Variants in OR2J2 observed in about 807,000 individuals in gnomAD.
The protein encoded by OR2J2 is olfactory receptor family 2 subfamily J member 2.
Under a neutral mutation model 16.9 loss-of-function variants are expected in OR2J2, and 13 were observed. The observed-to-expected ratio is 0.77, with a 90% confidence interval of 0.50 to 1.23. The LOEUF is 1.23. OR2J2 is among the 50% of genes most tolerant of loss of function. The pLI is 0.00. For synonymous variants in OR2J2, 125 were observed against 141.2 expected, an observed-to-expected ratio of 0.89 and a Z score of 0.81; for missense variants, 341 against 379.1, an observed-to-expected ratio of 0.90 and a Z score of 0.84.
At chr6:29,173,508 C>T in intron 1 of OR2J2, 111 bp from the exon 2 acceptor site, 3 of 667,962 alleles carry the variant, frequency 4.5e-6, no homozygotes, top group Non-Finnish European at 5.2e-6. Context: ...ATTCTACTAC[C>T]ATTATGGTGC....
chr6:29,173,548 T>C, intron 1 of OR2J2, 71 bp from the exon 2 acceptor site: 1 of 1,007,614 alleles, frequency 9.9e-7, no homozygotes, highest in East Asian at 2.4e-5. Flanking sequence ...TACTTTTGTC[T>C]TCAATCTGTT....
Position 29,174,188 on chromosome 6 carries a change from C to A in OR2J2, c.553C>A (p.Leu185Ile), listed in dbSNP as rs1193798832. The A allele has an allele frequency of 3.7e-6, 6 of 1,613,794 alleles. No homozygotes were observed. Among genetic ancestry groups the A allele is most frequent in the Non-Finnish European group, 5.1e-6 (6 of 1,179,968 alleles). Residue 185 changes from leucine to isoleucine, a missense_variant, in exon 2 of 2, where the codon CTT (leucine) becomes ATT (isoleucine). By Grantham distance (5) the Leu-to-Ile change is conservative. Transcript: ENST00000641417. ...TCACTTCTTCTGTGAAGTTCCAGCA[C>A]TTCTGCGTTTATCATGTGTTGACAC... The part of the protein sequence containing the change: ...VDHFFCEVPA[L>I]LRLSCVDTHA...
chr6:29,174,957 T>A lies in OR2J2; in HGVS notation c.*383T>A, dbSNP rs1765759245. The A allele has an allele frequency of 5.7e-6, 1 of 175,850 alleles. No individual in the cohort carries two copies. Among genetic ancestry groups the A allele is most frequent in the African/African-American group, 2.4e-5 (1 of 42,374 alleles). 10.9% of individuals were successfully genotyped at this position (175,850 alleles called of 1,614,324 possible). On this transcript the variant is annotated 3_prime_UTR_variant, in exon 2 of 2. Coordinates refer to ENST00000641417, the MANE Select transcript of OR2J2 (RefSeq NM_030905.3). Reference sequence around the variant, plus strand: ...AAGAGAAGGGCAATATTGCAAAGACTTAGGCTAAAAAGGTTTTTGGTTATT... The same window carrying A: ...AAGAGAAGGGCAATATTGCAAAGACATAGGCTAAAAAGGTTTTTGGTTATT...
At position 29,174,251 on chromosome 6, in the gene OR2J2, A is replaced by G. The variant is rs1214729062; in HGVS notation, c.616A>G (p.Ile206Val). The change falls in exon 2 of 2, where the codon ATT (isoleucine) becomes GTT (valine). Residue 206 changes from isoleucine to valine, a missense_variant. Coordinates refer to ENST00000641417, the MANE Select transcript of OR2J2 (RefSeq NM_030905.3). ...NELTLMVMSS[I>V]FVLIPLILIL... ...GCTGACCCTCATGGTCATGAGCTCC[A>G]TTTTTGTTCTCATACCTCTCATTCT... 1 of 1,613,726 alleles carries G rather than the reference A, an allele frequency of 6.2e-7. No homozygotes were observed. The highest frequency in any genetic ancestry group is 8.5e-7 in the Non-Finnish European group (1 of 1,179,936).
Position 29,174,309 on chromosome 6 carries a change from C to A in OR2J2, c.674C>A (p.Ala225Asp), listed in dbSNP as rs903008805. 1 of 1,613,808 alleles carries A rather than the reference C, an allele frequency of 6.2e-7. No individual in the cohort carries two copies. ...ACTACCTATGGTGCCATTGCCCGGGCTGTACTGAGCATGCAATCAACCACT... is the reference window on the plus strand; with the variant it reads ...ACTACCTATGGTGCCATTGCCCGGGATGTACTGAGCATGCAATCAACCACT... The part of the protein sequence containing the change: ...ILTTYGAIAR[A>D]VLSMQSTTGL... The change falls in exon 2 of 2, where the codon GCT (alanine) becomes GAT (aspartate). Residue 225 changes from alanine (A) to aspartate (D), a missense_variant. Ala to Asp is a moderately radical substitution (Grantham distance 126). Coordinates refer to ENST00000641417, the MANE Select transcript of OR2J2 (RefSeq NM_030905.3).
chr6:29,174,669 C>A lies in OR2J2; in HGVS notation c.*95C>A. 2 of 961,800 alleles carry A rather than the reference C, an allele frequency of 2.1e-6. No homozygotes were observed. Among genetic ancestry groups the A allele is most frequent in the Non-Finnish European group, 3.0e-6 (2 of 658,388 alleles). The allele number at this position is 961,800 out of a possible 1,614,324, so 59.6% of individuals were successfully genotyped here. On this transcript the variant is annotated 3_prime_UTR_variant, in exon 2 of 2. Transcript: ENST00000641417. ...TGCTTCTTTGTGATTTATTTTTGTTCTAACAGCTCACAAAACAGAATAGTT... is the reference window on the plus strand; with the variant it reads ...TGCTTCTTTGTGATTTATTTTTGTTATAACAGCTCACAAAACAGAATAGTT...
Position 29,174,486 on chromosome 6 carries a change from C to T in OR2J2, c.851C>T (p.Pro284Leu), listed in dbSNP as rs368672235. Residue 284 changes from proline to leucine, a missense_variant, in exon 2 of 2, where the codon CCG becomes CTG. Physicochemically the swap from Pro to Leu is moderately conservative, Grantham distance 98. Coordinates refer to ENST00000641417, the MANE Select transcript of OR2J2 (RefSeq NM_030905.3). Reference protein sequence around the residue: ...FIALFYTVVTPSLNPLIYTLR... With the variant: ...FIALFYTVVTLSLNPLIYTLR... ...GCCCTCTTTTATACTGTTGTCACACCGAGTCTTAATCCTCTAATCTACACT... is the reference window on the plus strand; with the variant it reads ...GCCCTCTTTTATACTGTTGTCACACTGAGTCTTAATCCTCTAATCTACACT... The T allele has an allele frequency of 3.2e-5, 51 of 1,613,478 alleles. No individual in the cohort carries two copies. The highest frequency in any genetic ancestry group is 8.9e-5 in the East Asian group (4 of 44,822).
intron 1 of OR2J2, chr6:29,173,396 T>C (rs926159284): frequency 2.4e-6 from 1 of 417,922 alleles, no homozygotes; most frequent in Non-Finnish European, 4.2e-6. Flanking sequence ...CAAATGTTAA[T>C]TCAGGGATGT....
At chr6:29,172,313 C>A (rs1189244330) in intron 1 of OR2J2, among the ~76,000 whole-genome samples, 1 of 152,088 alleles carries the variant, frequency 6.6e-6, no homozygotes, top group Non-Finnish European at 1.5e-5. Context: ...CTGCCTCGGC[C>A]TCCCAAAATG....
chr6:29,173,538 T>A, intron 1 of OR2J2, 81 bp from the exon 2 acceptor site: 1 of 864,568 alleles, frequency 1.2e-6, no homozygotes, highest in Non-Finnish European at 1.8e-6. Context: ...GGAAGTGGGA[T>A]ACTTTTGTCT....
intron 1 of OR2J2, 150 bp downstream of exon 1, chr6:29,171,255 T>C (rs1461426629): frequency 6.6e-6 from 1 of 152,134 alleles, no homozygotes; most frequent in Non-Finnish European, 1.5e-5. Flanking sequence ...ATATAATCAT[T>C]CTATAATGTA....
intron 1 of OR2J2, among the ~76,000 whole-genome samples, chr6:29,172,260 G>A (rs1417278389): frequency 6.6e-6 from 1 of 151,972 alleles, no homozygotes; most frequent in Non-Finnish European, 1.5e-5. Context: ...GTTTCACCAC[G>A]TTGGTCAGGC....
At position 29,173,954 on chromosome 6, in the gene OR2J2, G is replaced by A; in HGVS notation, c.319G>A (p.Ala107Thr). 6.2e-7 allele frequency: 1 copy of A among 1,611,748 alleles called. No individual in the cohort carries two copies. Among genetic ancestry groups the A allele is most frequent in the Non-Finnish European group, 8.5e-7 (1 of 1,179,440 alleles). The part of the protein sequence containing the change: ...GCMVQLYFVL[A>T]LGITECVLLV... ...CATGGTTCAACTTTACTTTGTTCTTGCACTGGGAATCACAGAGTGTGTCCT... is the reference window on the plus strand; with the variant it reads ...CATGGTTCAACTTTACTTTGTTCTTACACTGGGAATCACAGAGTGTGTCCT... The change falls in exon 2 of 2, where the codon GCA becomes ACA. Residue 107 changes from alanine (A) to threonine (T), a missense_variant. By Grantham distance (58) the Ala-to-Thr change is moderately conservative. Transcript: ENST00000641417.
chr6:29,173,655 C>G lies in OR2J2; in HGVS notation c.20C>G (p.Ala7Gly). 4 of 1,598,808 alleles carry G rather than the reference C, an allele frequency of 2.5e-6. No individual in the cohort carries two copies. The highest frequency in any genetic ancestry group is 3.4e-6 in the Non-Finnish European group (4 of 1,174,862). Reference sequence around the variant, plus strand: ...AGATGAATGATGATTAAAAAAAATGCAAGTTCGGAAGACTTCTTTATTCTA... The same window carrying G: ...AGATGAATGATGATTAAAAAAAATGGAAGTTCGGAAGACTTCTTTATTCTA... MMIKKN[A>G]SSEDFFILLG... is the part of the protein sequence containing the mutation. The change falls in exon 2 of 2, where the codon GCA (alanine) becomes GGA (glycine). Residue 7 changes from alanine to glycine, a missense_variant. Physicochemically the swap from Ala to Gly is moderately conservative, Grantham distance 60. Transcript: ENST00000641417.
chr6:29,174,568 G>A lies in OR2J2; in HGVS notation c.933G>A (p.Gly311=). ...AAKRLLGWEW[G]K is the part of the protein sequence containing the mutation. ...AGAGACTATTGGGGTGGGAGTGGGG[G>A]AAGTGACAGGGAAATCATGTTGTCT... The change falls in exon 2 of 2, where the codon GGG becomes GGA. Residue 311 remains glycine (G), a synonymous_variant. Coordinates refer to ENST00000641417, the MANE Select transcript of OR2J2 (RefSeq NM_030905.3). 6.3e-7 allele frequency: 1 copy of A among 1,595,632 alleles called. No individual in the cohort carries two copies. The highest frequency in any genetic ancestry group is 8.5e-7 in the Non-Finnish European group (1 of 1,171,098).
At chr6:29,172,887 A>G (rs1765577556) in intron 1 of OR2J2, among the ~76,000 whole-genome samples, 1 of 152,098 alleles carries the variant, frequency 6.6e-6, no homozygotes, top group Non-Finnish European at 1.5e-5. Context: ...GTGCATCCAA[A>G]CACTCTCCAT....
At chr6:29,172,979 G>A (rs1765582939) in intron 1 of OR2J2, among the ~76,000 whole-genome samples, 1 of 152,104 alleles carries the variant, frequency 6.6e-6, no homozygotes, top group Non-Finnish European at 1.5e-5. Context: ...ACCTTTGGAA[G>A]CATTCTATCA....
rs1016374389 is a variant in OR2J2, at chr6:29,170,966, T to C, written c.-157T>C. The C allele has an allele frequency of 2.6e-5, 4 of 152,136 alleles. No individual in the cohort carries two copies. Among genetic ancestry groups the C allele is most frequent in the African/African-American group, 9.7e-5 (4 of 41,440 alleles). The allele number at this position is 152,136 out of a possible 1,614,324, so 9.4% of individuals were successfully genotyped here. A position where few individuals can be genotyped will look rare whatever the true frequency, so the allele number is the denominator to read the frequency against. On this transcript the variant is annotated 5_prime_UTR_variant, in exon 1 of 2. Transcript: ENST00000641417. Reference sequence around the variant, plus strand: ...GTTCTTCATAGTTAGATTTAAAACATTGGCAAAAATGTTATAAGAAGGCAA... The same window carrying C: ...GTTCTTCATAGTTAGATTTAAAACACTGGCAAAAATGTTATAAGAAGGCAA...
intron 1 of OR2J2, chr6:29,173,267 G>A (rs1765600255): frequency 5.6e-6 from 1 of 177,514 alleles, no homozygotes; most frequent in African/African-American, 2.4e-5. Context: ...TCCTTTCTCT[G>A]TAATTGCAAA....
Sources: allele counts gnomAD v4.1 joint callset (sites outside exome capture counted in the v4.1 genomes callset), GRCh38; gene constraint gnomAD v4.1.1; transcripts MANE v1.5; gene names NCBI Gene and HGNC (gene_info 2026-07-23, HGNC 2026-07-21).